SDK1: variants seen among roughly 807,000 people sequenced by gnomAD.
SDK1 encodes protein sidekick-1.
In SDK1, 157 loss-of-function variants were observed where a neutral mutation model predicts 245.5. The observed-to-expected ratio is 0.64, with a 90% CI of 0.56 to 0.73. The LOEUF (loss-of-function observed/expected upper bound fraction) is 0.73. SDK1 is among the 30% of genes least tolerant of loss of function. The pLI, the probability that SDK1 is intolerant of heterozygous loss-of-function variation, is 0.00. For missense variants in SDK1, 3,583 were observed against 3,002.3 expected, an observed-to-expected ratio of 1.19 and a Z score of -4.52; for synonymous variants, 1,647 against 1,278.5, an observed-to-expected ratio of 1.29 and a Z score of -6.15.
intron 1 of SDK1, among the ~76,000 whole-genome samples, chr7:3,374,235 T>G (rs10235815): frequency 0.49 from 74,222 of 151,960 alleles, 19,385 homozygotes; most frequent in East Asian, 0.62. Context: ...TCACTCCTTA[T>G]GAGCAATACC....
intron 4 of SDK1, among the ~76,000 whole-genome samples, chr7:3,808,062 C>T (rs1449936542): frequency 6.6e-6 from 1 of 152,142 alleles, no homozygotes; most frequent in South Asian, 2.1e-4. Flanking sequence ...AAGGGACTCC[C>T]ATGCAGTCAT....
chr7:3,655,083 C>T (rs1286139851), intron 4 of SDK1, among the ~76,000 whole-genome samples: 1 of 149,622 alleles, frequency 6.7e-6, no homozygotes, highest in African/African-American at 2.5e-5. Context: ...TCTGTACCCA[C>T]ATTATATTTT....
chr7:3,750,951 A>T (rs1779756606), intron 4 of SDK1, among the ~76,000 whole-genome samples: 1 of 152,212 alleles, frequency 6.6e-6, no homozygotes, highest in Non-Finnish European at 1.5e-5. Flanking sequence ...TCTTTATGCG[A>T]CTGTTTTACC....
chr7:3,625,625 C>T (rs1451782594), intron 2 of SDK1, among the ~76,000 whole-genome samples: 1 of 152,236 alleles, frequency 6.6e-6, no homozygotes, highest in Non-Finnish European at 1.5e-5. Flanking sequence ...TTATGAAATG[C>T]ATCTCAGAAG....
At chr7:3,937,353 C>CA (rs1780196157) in intron 5 of SDK1, among the ~76,000 whole-genome samples, 1 of 152,162 alleles carries the variant, frequency 6.6e-6, no homozygotes, top group South Asian at 2.1e-4. Context: ...CAGACATGAA[C>CA]AAAACCAGCA....
At chr7:4,000,531 C>G (rs529771330) in intron 14 of SDK1, among the ~76,000 whole-genome samples, 23 of 152,222 alleles carry the variant, frequency 1.5e-4, no homozygotes, top group Non-Finnish European at 2.8e-4. Context: ...CTTCCCCTGC[C>G]ACAGGTGCCT....
intron 8 of SDK1, among the ~76,000 whole-genome samples, chr7:3,961,149 A>T (rs1363839333): frequency 3.3e-5 from 5 of 152,268 alleles, no homozygotes; most frequent in Non-Finnish European, 7.3e-5. Context: ...CTGCTGTCAT[A>T]TAATTTACTG....
intron 1 of SDK1, among the ~76,000 whole-genome samples, chr7:3,390,940 T>C (rs550805767): frequency 2.2e-4 from 34 of 152,308 alleles, no homozygotes; most frequent in Non-Finnish European, 4.1e-4. Context: ...CTCTAACAAA[T>C]TAATTTTTAA....
intron 4 of SDK1, among the ~76,000 whole-genome samples, chr7:3,748,697 A>G (rs1166901481): frequency 6.6e-6 from 1 of 152,224 alleles, no homozygotes; most frequent in Non-Finnish European, 1.5e-5. Flanking sequence ...TTTGGTTACC[A>G]TCACACAATC....
chr7:3,648,913 A>T (rs145874953), intron 4 of SDK1, among the ~76,000 whole-genome samples: 4 of 152,140 alleles, frequency 2.6e-5, no homozygotes, highest in African/African-American at 9.7e-5. Flanking sequence ...AGGGTTTTCT[A>T]ATCACTTCTG....
At chr7:3,779,931 T>A in intron 4 of SDK1, among the ~76,000 whole-genome samples, 1 of 115,824 alleles carries the variant, frequency 8.6e-6, no homozygotes. Flanking sequence ...AGAGGGAGAC[T>A]CCGTCTCAAA....
In SDK1 at chr7:4,265,817, A is replaced by G; in HGVS notation, c.*433A>G. On this transcript the variant is annotated 3_prime_UTR_variant, in exon 45 of 45. Coordinates refer to ENST00000404826, the MANE Select transcript of SDK1 (RefSeq NM_152744.4). ...CTCTTTCTACCTCCTCTTCCAGAGAACCAGCGGCTCACACCCTTCTCAACG... is the reference window on the plus strand; with the variant it reads ...CTCTTTCTACCTCCTCTTCCAGAGAGCCAGCGGCTCACACCCTTCTCAACG... 1.0e-6 allele frequency: 1 copy of G among 999,748 alleles called. No homozygotes were observed. The allele number at this position is 999,748 out of a possible 1,614,324, so 61.9% of individuals were successfully genotyped here. A position where few individuals can be genotyped will look rare whatever the true frequency, so the allele number is the denominator to read the frequency against.
Position 3,397,488 on chromosome 7 carries a change from C to T in SDK1, c.298+95604C>T, listed in dbSNP as rs374157921. On this transcript the variant is annotated intron_variant, in intron 1 of 44. Transcript: ENST00000404826. ...GTTCGTAGTCTTTTCTTTCCCCCCC[C>T]CAGCGCTTTGAATATGTCACATCAG... 8.0e-4 allele frequency among the ~76,000 whole-genome samples: 121 copies of T among 151,636 alleles called. 1 individual carries two copies. The highest frequency in any genetic ancestry group is 2.7e-3 in the South Asian group (13 of 4,810).
At chr7:3,382,978 A>G (rs889518213) in intron 1 of SDK1, among the ~76,000 whole-genome samples, 2 of 152,196 alleles carry the variant, frequency 1.3e-5, no homozygotes, top group Non-Finnish European at 2.9e-5. Flanking sequence ...TTCTCACTTT[A>G]TCCCCAACTT....
At chr7:3,950,819 G>C in intron 5 of SDK1, 104 bp from the exon 6 acceptor site, 2 of 783,122 alleles carry the variant, frequency 2.6e-6, no homozygotes, top group Non-Finnish European at 4.3e-6. Context: ...ACTCTCTTTG[G>C]TTTTAGGTAT....
intron 1 of SDK1, among the ~76,000 whole-genome samples, chr7:3,430,639 C>G (rs1330138946): frequency 1.3e-5 from 2 of 152,164 alleles, no homozygotes; most frequent in Non-Finnish European, 1.5e-5. Flanking sequence ...AAGAGTGTGT[C>G]TGAGACCTGA....
At chr7:3,887,372 T>C (rs1340101764) in intron 5 of SDK1, among the ~76,000 whole-genome samples, 1 of 152,224 alleles carries the variant, frequency 6.6e-6, no homozygotes, top group African/African-American at 2.4e-5. Context: ...ACAATCTTCC[T>C]TGTGCCTCGA....
chr7:3,749,825 T>G (rs1331824282), intron 4 of SDK1, among the ~76,000 whole-genome samples: 1 of 151,942 alleles, frequency 6.6e-6, no homozygotes, highest in Non-Finnish European at 1.5e-5. Context: ...GAAGCTGTCT[T>G]GGTGTAAAAT....
At position 4,114,340 on chromosome 7, in the gene SDK1, C is replaced by T; in HGVS notation, c.3823+66C>T. On this transcript the variant is annotated intron_variant, in intron 25 of 44. Coordinates refer to ENST00000404826, the MANE Select transcript of SDK1 (RefSeq NM_152744.4). ...GAGATGGGGCTGAGTGCCCCTGAGC[C>T]TCCAGATCCCAGGCTAGTGGCGTCT... 3 of 1,269,780 alleles carry T rather than the reference C, an allele frequency of 2.4e-6. No individual in the cohort carries two copies. In the South Asian group the frequency reaches 4.1e-5, roughly 17 times the overall value. 78.7% of individuals were successfully genotyped at this position (1,269,780 alleles called of 1,614,324 possible).
Sources: allele counts gnomAD v4.1 joint callset (sites outside exome capture counted in the v4.1 genomes callset), GRCh38; gene constraint gnomAD v4.1.1; transcripts MANE v1.5; gene names NCBI Gene and HGNC (gene_info 2026-07-23, HGNC 2026-07-21).